The following LRRIQ1 variants were observed in gnomAD, a reference collection of about 807,000 sequenced individuals.
The protein encoded by LRRIQ1 is leucine rich repeats and IQ motif containing 1.
A neutral mutation model predicts 211.9 loss-of-function variants in LRRIQ1; 210 were observed. The ratio of observed to expected loss-of-function variants is 0.99; its 90% CI spans 0.89 to 1.11. The LOEUF is 1.11. Among genes scored for constraint, LRRIQ1 ranks in the 50% most tolerant of loss-of-function variants. LRRIQ1 has a pLI of 0.00. For synonymous variants in LRRIQ1, 699 were observed against 650.1 expected (o/e 1.08, Z -1.14); for missense variants, 2,136 against 1,939.5 (o/e 1.10, Z -1.90).
At chr12:85,174,422 G>A (rs1204763732) in intron 24 of LRRIQ1, among the ~76,000 whole-genome samples, 2 of 151,710 alleles carry the variant, frequency 1.3e-5, no homozygotes, top group Admixed American at 6.6e-5. Context: ...CAGGCCCGAA[G>A]CAGTGGCTCA....
chr12:85,065,300 T>G lies in LRRIQ1; in HGVS notation c.2430T>G (p.Val810=). 6.2e-7 allele frequency: 1 copy of G among 1,610,666 alleles called. No homozygotes were observed. Among genetic ancestry groups the G allele is most frequent in the Non-Finnish European group, 8.5e-7 (1 of 1,177,838 alleles). ...TVTFQDLPGC[V]LSTLAECTNL... is the part of the protein sequence containing the mutation. ...CATTTCAAGATTTGCCAGGCTGTGT[T>G]CTCTCCACACTGGCAGAGTGTACAA... Residue 810 remains valine, a synonymous_variant, in exon 9 of 27, where the codon GTT becomes GTG. Transcript: ENST00000393217.
intron 26 of LRRIQ1, among the ~76,000 whole-genome samples, chr12:85,239,584 A>G (rs1251703350): frequency 6.6e-6 from 1 of 152,106 alleles, no homozygotes. Flanking sequence ...GGACAACTAG[A>G]TAACTATATG....
At chr12:85,101,316 AT>A (rs1428155952) in intron 13 of LRRIQ1, among the ~76,000 whole-genome samples, 2 of 151,826 alleles carry the variant, frequency 1.3e-5, no homozygotes, top group East Asian at 3.9e-4. Flanking sequence ...TCTGTTTTAA[AT>A]TTTCAGTAAG....
rs1005495867 is a variant in LRRIQ1 at position 85,087,094 on chromosome 12, C to A, written c.2888-11261C>A. On this transcript the variant is annotated intron_variant, in intron 11 of 26. Transcript: ENST00000393217. ...ATCTCCTAATGCTATCCCTCCCCAT[C>A]CCCCCACCCCACGACAGGCCCTGGT... Among the ~76,000 whole-genome samples, 46 of 151,928 alleles carry A rather than the reference C, an allele frequency of 3.0e-4. 1 individual carries two copies. Among genetic ancestry groups the A allele is most frequent in the African/African-American group, 9.4e-4 (39 of 41,400 alleles).
At chr12:85,107,428 T>C (rs530290835) in intron 15 of LRRIQ1, among the ~76,000 whole-genome samples, 3 of 152,272 alleles carry the variant, frequency 2.0e-5, no homozygotes, top group African/African-American at 7.2e-5. Flanking sequence ...TCTACTGACA[T>C]TCTTGTCTTT....
intron 11 of LRRIQ1, among the ~76,000 whole-genome samples, chr12:85,094,743 T>C (rs934183339): frequency 1.3e-5 from 2 of 152,174 alleles, no homozygotes; most frequent in African/African-American, 4.8e-5. Context: ...CTTTAATCCA[T>C]GAGCATGGAA....
chr12:85,169,454 C>T (rs955719102), intron 24 of LRRIQ1, among the ~76,000 whole-genome samples: 3 of 151,968 alleles, frequency 2.0e-5, no homozygotes, highest in African/African-American at 4.8e-5. Flanking sequence ...CTCCTGTTGT[C>T]CTTTGAATAA....
rs1011975769 is a variant in LRRIQ1 at position 85,040,626 on chromosome 12, G to T, written c.244+25G>T. The T allele has an allele frequency of 2.2e-6, 3 of 1,366,632 alleles. No homozygotes were observed. In the African/African-American group the frequency reaches 4.4e-5, roughly 20 times the overall value. The allele number at this position is 1,366,632 out of a possible 1,614,324, so 84.7% of individuals were successfully genotyped here. ...AGTAAGTACTATTTTCATCTGTCTG[G>T]CAGATAAGCTTTCTGTAAGTATGAA... On this transcript the variant is annotated intron_variant, in intron 3 of 26. Coordinates refer to ENST00000393217, the MANE Select transcript of LRRIQ1 (RefSeq NM_001079910.2).
chr12:85,150,423 A>G (rs1890165727), intron 19 of LRRIQ1, among the ~76,000 whole-genome samples: 1 of 151,656 alleles, frequency 6.6e-6, no homozygotes. Flanking sequence ...TTCCATCCCC[A>G]CCTTATTTTA....
At chr12:85,045,513 T>A (rs1879434257) in intron 4 of LRRIQ1, among the ~76,000 whole-genome samples, 1 of 151,946 alleles carries the variant, frequency 6.6e-6, no homozygotes, top group African/African-American at 2.4e-5. Flanking sequence ...TACTGTTACT[T>A]CCTTGGAATA....
chr12:85,157,666 C>T (rs996860844), intron 23 of LRRIQ1, among the ~76,000 whole-genome samples: 1 of 151,758 alleles, frequency 6.6e-6, no homozygotes, highest in Non-Finnish European at 1.5e-5. Context: ...AATCTCACAA[C>T]ACTGAGTGTA....
chr12:85,220,831 A>T (rs559932713), intron 24 of LRRIQ1, among the ~76,000 whole-genome samples: 179 of 123,200 alleles, frequency 1.5e-3, no homozygotes, highest in African/African-American at 5.3e-3. Flanking sequence ...TTTTTGAGAC[A>T]AAGTTTCGCT....
chr12:85,222,855 A>G (rs1157639381), intron 24 of LRRIQ1, among the ~76,000 whole-genome samples: 1 of 152,146 alleles, frequency 6.6e-6, no homozygotes, highest in Non-Finnish European at 1.5e-5. Context: ...CCTTACACAT[A>G]CATATATCAC....
chr12:85,143,578 A>T (rs1565865894), intron 19 of LRRIQ1, among the ~76,000 whole-genome samples: 1 of 151,532 alleles, frequency 6.6e-6, no homozygotes, highest in Non-Finnish European at 1.5e-5. Flanking sequence ...TTTAATTTGG[A>T]TGTTTCCTAC....
chr12:85,230,491 T>C (rs1894880940), intron 25 of LRRIQ1, among the ~76,000 whole-genome samples: 1 of 152,204 alleles, frequency 6.6e-6, no homozygotes, highest in Non-Finnish European at 1.5e-5. Context: ...GGCACACCTA[T>C]ATGATCTTAT....
chr12:85,046,489 T>C (rs774934284), intron 5 of LRRIQ1, among the ~76,000 whole-genome samples: 4 of 152,222 alleles, frequency 2.6e-5, no homozygotes, highest in African/African-American at 7.2e-5. Flanking sequence ...AGTCAACTTA[T>C]GTAACTTTAT....
At chr12:85,172,255 C>T (rs992703170) in intron 24 of LRRIQ1, among the ~76,000 whole-genome samples, 2 of 152,124 alleles carry the variant, frequency 1.3e-5, no homozygotes, top group East Asian at 3.9e-4. Context: ...CAGGTACCCC[C>T]CTACCTGTCT....
intron 24 of LRRIQ1, among the ~76,000 whole-genome samples, chr12:85,199,611 T>A (rs997398451): frequency 6.6e-6 from 1 of 152,142 alleles, no homozygotes; most frequent in Non-Finnish European, 1.5e-5. Context: ...TTGAATTGAC[T>A]CACAATTCTA....
At chr12:85,260,499 G>GTAT (rs1445057129) in intron 1 of LRRIQ1, among the ~76,000 whole-genome samples, 9 of 152,056 alleles carry the variant, frequency 5.9e-5, no homozygotes, top group Non-Finnish European at 1.2e-4. Context: ...GGAACAAAAT[G>GTAT]TATTAGTCAT....
Sources: allele counts gnomAD v4.1 joint callset (sites outside exome capture counted in the v4.1 genomes callset), GRCh38; gene constraint gnomAD v4.1.1; transcripts MANE v1.5; gene names NCBI Gene and HGNC (gene_info 2026-07-23, HGNC 2026-07-21).